The following PTGFR variants were observed in gnomAD, a reference collection of about 807,000 sequenced individuals.
PTGFR encodes the protein prostaglandin F receptor.
Under a neutral mutation model 26.2 loss-of-function variants are expected in PTGFR, and 15 were observed. The ratio of observed to expected loss-of-function variants is 0.57; its 90% CI spans 0.38 to 0.88. PTGFR has a LOEUF of 0.88. Ranked by LOEUF, PTGFR falls within the 40% of genes least tolerant of loss-of-function variation. The pLI, the probability that PTGFR is intolerant of heterozygous loss-of-function variation, is 0.00. For synonymous variants in PTGFR, 165 were observed against 151.1 expected (o/e 1.09, Z -0.68); for missense variants, 369 against 427.2 (o/e 0.86, Z 1.20).
chr1:78,498,416 A>G (rs989399939), intron 2 of PTGFR, among the ~76,000 whole-genome samples: 2 of 152,190 alleles, frequency 1.3e-5, no homozygotes, highest in East Asian at 3.8e-4. Context: ...TGTAGTGTGT[A>G]TATATATTGT....
At chr1:78,524,599 T>C (rs770612343) in intron 2 of PTGFR, among the ~76,000 whole-genome samples, 3 of 152,084 alleles carry the variant, frequency 2.0e-5, no homozygotes, top group Non-Finnish European at 4.4e-5. Flanking sequence ...TCAGAATTTA[T>C]CTACCTTAGC....
intron 2 of PTGFR, among the ~76,000 whole-genome samples, chr1:78,498,779 A>G (rs1183470108): frequency 2.0e-5 from 3 of 152,144 alleles, no homozygotes; most frequent in Non-Finnish European, 2.9e-5. Flanking sequence ...TAGGTCTTTC[A>G]GGTTTACTCT....
Position 78,507,927 on chromosome 1 carries a change from T to G in PTGFR, c.798+14386T>G, listed in dbSNP as rs945630935. 9.2e-5 allele frequency among the ~76,000 whole-genome samples: 14 copies of G among 152,326 alleles called. No individual in the cohort carries two copies. The East Asian group carries it at 2.7e-3, about 29-fold the overall frequency. The stretch of plus-strand genomic sequence containing the variant: ...CGAAATTATTTTCCCTTAAAGACCT[T>G]GCTGACTTTATTCTATTTTGTTTTC... On this transcript the variant is annotated intron_variant, in intron 2 of 2. Transcript: ENST00000370757.
At chr1:78,520,921 A>C (rs1251818989) in intron 2 of PTGFR, among the ~76,000 whole-genome samples, 1 of 152,092 alleles carries the variant, frequency 6.6e-6, no homozygotes, top group Non-Finnish European at 1.5e-5. Flanking sequence ...ATTTGAAGGC[A>C]AGTAATGGCA....
At chr1:78,491,441 CG>C (rs1432905902) in intron 1 of PTGFR, among the ~76,000 whole-genome samples, 1 of 152,170 alleles carries the variant, frequency 6.6e-6, no homozygotes, top group African/African-American at 2.4e-5. Context: ...AGCTGCTCTG[CG>C]GGGGATTGGG....
At chr1:78,508,617 C>G (rs1489902795) in intron 2 of PTGFR, among the ~76,000 whole-genome samples, 2 of 152,170 alleles carry the variant, frequency 1.3e-5, no homozygotes, top group Non-Finnish European at 2.9e-5. Flanking sequence ...TATCTCTGAT[C>G]CACTCTCAAC....
intron 2 of PTGFR, among the ~76,000 whole-genome samples, chr1:78,505,502 G>A (rs749331361): frequency 6.6e-6 from 1 of 152,126 alleles, no homozygotes; most frequent in Non-Finnish European, 1.5e-5. Context: ...ATATAAGAAA[G>A]CACTGATCTT....
chr1:78,497,995 G>T (rs1228239474), intron 2 of PTGFR: 2 of 1,363,576 alleles, frequency 1.5e-6, no homozygotes, highest in South Asian at 2.4e-5. Flanking sequence ...ATTGGAGCTT[G>T]ATTTTCCTAA....
At chr1:78,502,873 T>A (rs953719831) in intron 2 of PTGFR, among the ~76,000 whole-genome samples, 15 of 152,126 alleles carry the variant, frequency 9.9e-5, no homozygotes, top group Non-Finnish European at 1.8e-4. Context: ...AGAAGAGATA[T>A]GCAGGAAACT....
At chr1:78,495,468 G>C (rs1649524466) in intron 2 of PTGFR, among the ~76,000 whole-genome samples, 1 of 152,060 alleles carries the variant, frequency 6.6e-6, no homozygotes, top group South Asian at 2.1e-4. Context: ...ATTTGGGGTT[G>C]GTGAAAGAAA....
intron 2 of PTGFR, among the ~76,000 whole-genome samples, chr1:78,535,792 T>A (rs2100405751): frequency 6.6e-6 from 1 of 152,202 alleles, no homozygotes; most frequent in South Asian, 2.1e-4. Flanking sequence ...ACAACTGTGG[T>A]GTAGAGAGAA....
At chr1:78,494,899 C>T (rs1290014415) in intron 2 of PTGFR, among the ~76,000 whole-genome samples, 1 of 152,166 alleles carries the variant, frequency 6.6e-6, no homozygotes, top group Non-Finnish European at 1.5e-5. Flanking sequence ...TCGCCACGCC[C>T]GGCCCACTAG....
chr1:78,523,534 G>A (rs1650296928), intron 2 of PTGFR, among the ~76,000 whole-genome samples: 1 of 152,108 alleles, frequency 6.6e-6, no homozygotes, highest in East Asian at 1.9e-4. Flanking sequence ...AGGAGAATGT[G>A]AAAAACACGT....
intron 2 of PTGFR, among the ~76,000 whole-genome samples, chr1:78,499,588 C>A (rs1649649276): frequency 1.3e-5 from 2 of 152,146 alleles, no homozygotes; most frequent in Admixed American, 1.3e-4. Context: ...CCTGGGAATA[C>A]CTGTAGTACT....
chr1:78,535,499 G>A (rs1016272336), intron 2 of PTGFR, among the ~76,000 whole-genome samples: 11 of 152,196 alleles, frequency 7.2e-5, no homozygotes, highest in South Asian at 2.1e-4. Context: ...TCTTTGTTAC[G>A]TCATCTTTTA....
chr1:78,516,110 A>AT (rs913130528), intron 2 of PTGFR, among the ~76,000 whole-genome samples: 20 of 152,272 alleles, frequency 1.3e-4, no homozygotes, highest in Admixed American at 3.3e-4. Flanking sequence ...GAACCAATTA[A>AT]TTTTTTTAAA....
chr1:78,529,001 CA>C (rs1400541601), intron 2 of PTGFR, among the ~76,000 whole-genome samples: 2 of 151,254 alleles, frequency 1.3e-5, no homozygotes, highest in Admixed American at 1.3e-4. Context: ...TGCCCAGGCA[CA>C]AAAGACCTAC....
intron 2 of PTGFR, among the ~76,000 whole-genome samples, chr1:78,502,591 T>A (rs1281022596): frequency 6.6e-6 from 1 of 152,178 alleles, no homozygotes; most frequent in East Asian, 1.9e-4. Context: ...TTGCTGTTAC[T>A]ATTAAATAAT....
intron 2 of PTGFR, among the ~76,000 whole-genome samples, chr1:78,510,867 G>A (rs1457879804): frequency 6.6e-6 from 1 of 152,164 alleles, no homozygotes; most frequent in Non-Finnish European, 1.5e-5. Context: ...CATTCCCAAA[G>A]GGGGAAATAG....
Sources: allele counts gnomAD v4.1 joint callset (sites outside exome capture counted in the v4.1 genomes callset), GRCh38; gene constraint gnomAD v4.1.1; transcripts MANE v1.5; gene names NCBI Gene and HGNC (gene_info 2026-07-23, HGNC 2026-07-21).